Variants in PCDHGA9 observed in about 807,000 individuals in gnomAD.
PCDHGA9 encodes protocadherin gamma subfamily A, 9.
In PCDHGA9, 37 loss-of-function variants were observed where a neutral mutation model predicts 62.5. The ratio of observed to expected loss-of-function variants is 0.59; its 90% CI spans 0.46 to 0.78. PCDHGA9 has a LOEUF of 0.78. Ranked by LOEUF, PCDHGA9 falls within the 30% of genes least tolerant of loss-of-function variation. The pLI is 0.00. For synonymous variants in PCDHGA9, 459 were observed against 484.6 expected (o/e 0.95, Z 0.69); for missense variants, 1,138 against 1,166.2 (o/e 0.98, Z 0.35).
intron 1 of PCDHGA9, chr5:141,420,411 T>C: frequency 8.1e-7 from 1 of 1,229,398 alleles, no homozygotes; most frequent in Non-Finnish European, 1.1e-6. Context: ...ATGGTTATCA[T>C]TATTAAAACA....
At chr5:141,478,338 C>T in intron 1 of PCDHGA9, 2 of 1,613,936 alleles carry the variant, frequency 1.2e-6, no homozygotes, top group South Asian at 1.1e-5. Flanking sequence ...CCAGGGCCCT[C>T]CTTGCACGCG....
intron 1 of PCDHGA9, among the ~76,000 whole-genome samples, chr5:141,439,279 CT>C (rs2098102664): frequency 6.6e-6 from 1 of 151,930 alleles, no homozygotes; most frequent in African/African-American, 2.4e-5. Flanking sequence ...CATTCTGAGA[CT>C]GTGTTCCATG....
rs771804151 is a variant in PCDHGA9, at chr5:141,486,704, A to G, written c.2425-8103A>G. On this transcript the variant is annotated intron_variant, in intron 1 of 3. Coordinates refer to ENST00000573521, the MANE Select transcript of PCDHGA9 (RefSeq NM_018921.3). The surrounding 1 kb of genome is among the most constrained non-coding windows in gnomAD (Gnocchi z 5.0). ...ATCAGCTTCCTCTTTCATCTCTCTG[A>G]ACCCCCAGACAGGAGCTGTTCATGC... 2.2e-5 allele frequency: 35 copies of G among 1,614,016 alleles called. No homozygotes were observed. Among genetic ancestry groups the G allele is most frequent in the Non-Finnish European group, 2.7e-5 (32 of 1,180,032 alleles).
intron 1 of PCDHGA9, among the ~76,000 whole-genome samples, chr5:141,460,983 GTA>G (rs59296681): frequency 1.2e-4 from 16 of 137,836 alleles, no homozygotes; most frequent in East Asian, 2.1e-4. Context: ...GTGTGTGTGT[GTA>G]TATATATATA....
intron 1 of PCDHGA9, chr5:141,422,609 A>G: frequency 6.2e-7 from 1 of 1,613,882 alleles, no homozygotes; most frequent in Non-Finnish European, 8.5e-7. Context: ...TACTCTGCCT[A>G]CATTCCCGAA....
intron 1 of PCDHGA9, chr5:141,426,908 G>C (rs1047101179): frequency 8.8e-6 from 4 of 456,612 alleles, no homozygotes; most frequent in African/African-American, 6.0e-5. Context: ...CTCATCTCCT[G>C]GTCCTGGAAG....
At position 141,487,796 on chromosome 5, in the gene PCDHGA9, T is replaced by C. The variant is rs766798983; in HGVS notation, c.2425-7011T>C. ...TAACTGTTTCGTGAATTAACCAGAG[T>C]TGTCACAGTTTAGCATTGGGGGCGG... On this transcript the variant is annotated intron_variant, in intron 1 of 3. Coordinates refer to ENST00000573521, the MANE Select transcript of PCDHGA9 (RefSeq NM_018921.3). The surrounding 1 kb of genome is among the most constrained non-coding windows in gnomAD (Gnocchi z 5.0). 15 of 1,498,660 alleles carry C rather than the reference T, an allele frequency of 1.0e-5. No homozygotes were observed. The highest frequency in any genetic ancestry group is 1.4e-5 in the Non-Finnish European group (15 of 1,110,900). 92.8% of individuals were successfully genotyped at this position (1,498,660 alleles called of 1,614,324 possible). A position where few individuals can be genotyped will look rare whatever the true frequency, so the allele number is the denominator to read the frequency against.
intron 1 of PCDHGA9, among the ~76,000 whole-genome samples, chr5:141,449,974 A>T (rs2098661108): frequency 6.6e-6 from 1 of 151,260 alleles, no homozygotes; most frequent in African/African-American, 2.4e-5. Context: ...TTTAGTCCAA[A>T]ATATCACACA....
intron 1 of PCDHGA9, chr5:141,408,888 A>G: frequency 1.2e-6 from 2 of 1,613,352 alleles, no homozygotes; most frequent in Non-Finnish European, 1.7e-6. Context: ...GCTCACATAG[A>G]AATTTCTGTC....
chr5:141,423,766 C>A, intron 1 of PCDHGA9: 1 of 1,110,086 alleles, frequency 9.0e-7, no homozygotes, highest in Non-Finnish European at 1.1e-6. Context: ...GGGGGTGGGG[C>A]GGCATATATT....
Position 141,490,849 on chromosome 5 carries a change from C to T in PCDHGA9, c.2425-3958C>T, listed in dbSNP as rs200640560. The stretch of plus-strand genomic sequence containing the variant: ...GATGCTGCAGATTGTGGTGGGGGTT[C>T]GAGACTCCGGCTCTCCCCCATTGCA... On this transcript the variant is annotated intron_variant, in intron 1 of 3. Coordinates refer to ENST00000573521, the MANE Select transcript of PCDHGA9 (RefSeq NM_018921.3). This position sits in a 1 kb window ranked among gnomAD's most constrained non-coding sequence, Gnocchi z 5.4. The T allele has an allele frequency of 1.3e-5, 21 of 1,613,748 alleles. No individual in the cohort carries two copies. Among genetic ancestry groups the T allele is most frequent in the Admixed American group, 1.7e-5 (1 of 60,022 alleles).
chr5:141,485,609 G>T lies in PCDHGA9; in HGVS notation c.2425-9198G>T. On this transcript the variant is annotated intron_variant, in intron 1 of 3. Coordinates refer to ENST00000573521, the MANE Select transcript of PCDHGA9 (RefSeq NM_018921.3). The surrounding 1 kb of genome is among the most constrained non-coding windows in gnomAD (Gnocchi z 5.7). ...GCTGGACTTGGAAATTGGGGAGGCA[G>T]CTCCTCCAGGACAGCGTTTCCCGTT... The T allele has an allele frequency of 6.2e-7, 1 of 1,612,256 alleles. No homozygotes were observed. Among genetic ancestry groups the T allele is most frequent in the Non-Finnish European group, 8.5e-7 (1 of 1,178,656 alleles).
Position 141,503,989 on chromosome 5 carries a change from C to T in PCDHGA9, c.2484-1404C>T, listed in dbSNP as rs534696225. Among the ~76,000 whole-genome samples the T allele has an allele frequency of 2.6e-5, 4 of 152,312 alleles. No individual in the cohort carries two copies. The South Asian group carries it at 8.3e-4, about 32-fold the overall frequency. On this transcript the variant is annotated intron_variant, in intron 2 of 3. Transcript: ENST00000573521. ...CATGGTGCCAAACCCTTCTTCTTAC[C>T]TTACAGTCACTTAACTGTCTCTGCT...
At chr5:141,427,397 T>C (rs944166415) in intron 1 of PCDHGA9, 2 of 460,626 alleles carry the variant, frequency 4.3e-6, no homozygotes, top group South Asian at 1.5e-5. Flanking sequence ...AAACACATGA[T>C]AAAGATTCGA....
chr5:141,476,146 G>C lies in PCDHGA9; in HGVS notation c.2425-18661G>C. 1 of 1,611,402 alleles carries C rather than the reference G, an allele frequency of 6.2e-7. No individual in the cohort carries two copies. On this transcript the variant is annotated intron_variant, in intron 1 of 3. Transcript: ENST00000573521. This position sits in a 1 kb window ranked among gnomAD's most constrained non-coding sequence, Gnocchi z 7.6. ...TCCCAGAGGCCTGGAGGAGCGGACT[G>C]GTAAGCACCGGGAGGGTAGTGGGAG...
At chr5:141,461,757 G>A (rs2099022119) in intron 1 of PCDHGA9, among the ~76,000 whole-genome samples, 1 of 151,994 alleles carries the variant, frequency 6.6e-6, no homozygotes, top group Non-Finnish European at 1.5e-5. Context: ...AGATTCAAGC[G>A]ATTCTCCTGC....
chr5:141,426,090 T>G (rs545457395), intron 1 of PCDHGA9, among the ~76,000 whole-genome samples: 1 of 152,246 alleles, frequency 6.6e-6, no homozygotes, highest in African/African-American at 2.4e-5. Context: ...CAGGACGATA[T>G]TCTGTTCAGT....
At chr5:141,448,316 T>G (rs1042171540) in intron 1 of PCDHGA9, among the ~76,000 whole-genome samples, 2 of 152,174 alleles carry the variant, frequency 1.3e-5, no homozygotes, top group Admixed American at 1.3e-4. Context: ...AGGAATCTTT[T>G]CTTTGAATCT....
chr5:141,416,224 T>G (rs2096006627), intron 1 of PCDHGA9: 1 of 152,382 alleles, frequency 6.6e-6, no homozygotes, highest in Admixed American at 6.5e-5. Context: ...TATGCTTAGA[T>G]TTTTCCAGCC....
Sources: gnomAD v4.1 joint callset for allele counts (sites outside exome capture counted in the v4.1 genomes callset) on GRCh38, gnomAD v4.1.1 for gene constraint, Gnocchi (gnomAD v3.1) non-coding constraint, MANE v1.5 for transcripts, NCBI Gene and HGNC (gene_info 2026-07-23, HGNC 2026-07-21) for gene names.